Variants in XNDC1N observed in about 807,000 individuals in gnomAD.
XNDC1N encodes protein XNDC1N.
chr11:71,903,265 G>A, the XNDC1N span: 35 of 1,202,526 alleles, frequency 2.9e-5, no homozygotes, highest in Middle Eastern at 4.0e-4. Context: ...AACTGCAGCC[G>A]GTCGTCGCTG....
the XNDC1N span, among the ~76,000 whole-genome samples, chr11:71,881,803 T>C: frequency 2.0e-5 from 3 of 151,970 alleles, no homozygotes; most frequent in Non-Finnish European, 4.4e-5. Flanking sequence ...AAATAGCAAC[T>C]TCCAAAACTT....
At chr11:71,915,124 A>G in the XNDC1N span, among the ~76,000 whole-genome samples, 1 of 152,168 alleles carries the variant, frequency 6.6e-6, no homozygotes, top group Admixed American at 6.5e-5. Context: ...AGCTATCAAC[A>G]CTGAGGCAAG....
At chr11:71,918,543 A>G in the XNDC1N span, among the ~76,000 whole-genome samples, 1 of 152,084 alleles carries the variant, frequency 6.6e-6, no homozygotes, top group African/African-American at 2.4e-5. Flanking sequence ...TCGCCTCCCA[A>G]AGTGTTGGGA....
chr11:71,900,163 C>T, the XNDC1N span, among the ~76,000 whole-genome samples: 29 of 152,232 alleles, frequency 1.9e-4, no homozygotes, highest in Non-Finnish European at 1.3e-4. Flanking sequence ...TGCCCTCCTA[C>T]TACATTCGTT....
At chr11:71,917,482 C>A in the XNDC1N span, 1 of 671,880 alleles carries the variant, frequency 1.5e-6, no homozygotes, top group South Asian at 1.6e-5. Context: ...CCACCCTTTG[C>A]CCCCAACAGA....
the XNDC1N span, among the ~76,000 whole-genome samples, chr11:71,894,839 C>T: frequency 6.6e-6 from 1 of 152,210 alleles, no homozygotes; most frequent in Non-Finnish European, 1.5e-5. Context: ...TTTCACTATA[C>T]ATAATTTTGC....
At chr11:71,915,529 A>G in the XNDC1N span, among the ~76,000 whole-genome samples, 1 of 152,210 alleles carries the variant, frequency 6.6e-6, no homozygotes, top group African/African-American at 2.4e-5. Context: ...AAAAACCAAA[A>G]AATGTGTGTG....
the XNDC1N span, chr11:71,878,400 G>A: frequency 6.3e-7 from 1 of 1,599,838 alleles, no homozygotes; most frequent in Non-Finnish European, 8.5e-7. Context: ...GTACACAGAA[G>A]TCCTCTTCAT....
chr11:71,909,963 AAGACC>A, the XNDC1N span, among the ~76,000 whole-genome samples: 2 of 152,110 alleles, frequency 1.3e-5, no homozygotes, highest in Admixed American at 1.3e-4. Flanking sequence ...GCCAAGAGAG[AAGACC>A]AGCTCTGGCT....
At chr11:71,889,837 G>C in the XNDC1N span, among the ~76,000 whole-genome samples, 1 of 152,252 alleles carries the variant, frequency 6.6e-6, no homozygotes, top group East Asian at 1.9e-4. Context: ...AGTAGTTCTT[G>C]GGCATACCTA....
At chr11:71,871,353 C>G in the XNDC1N span, among the ~76,000 whole-genome samples, 4 of 152,102 alleles carry the variant, frequency 2.6e-5, no homozygotes, top group South Asian at 4.2e-4. Context: ...GAGAGTAGAA[C>G]AGTGGTTACC....
At chr11:71,927,235 G>A in the XNDC1N span, among the ~76,000 whole-genome samples, 14 of 151,886 alleles carry the variant, frequency 9.2e-5, 1 homozygote, top group Admixed American at 3.3e-4. Context: ...CGACAGAGCC[G>A]GACCCTGTAT....
the XNDC1N span, among the ~76,000 whole-genome samples, chr11:71,886,401 A>G: frequency 1.3e-5 from 2 of 152,114 alleles, no homozygotes; most frequent in Non-Finnish European, 2.9e-5. Context: ...GTATGGAAGG[A>G]CCCAGTTGCC....
At chr11:71,892,653 C>T in the XNDC1N span, among the ~76,000 whole-genome samples, 1 of 152,058 alleles carries the variant, frequency 6.6e-6, no homozygotes, top group Non-Finnish European at 1.5e-5. Flanking sequence ...TCCTGAGTAG[C>T]TAGGGTTACC....
the XNDC1N span, among the ~76,000 whole-genome samples, chr11:71,895,072 T>C: frequency 1.3e-5 from 2 of 151,944 alleles, no homozygotes; most frequent in South Asian, 2.1e-4. Context: ...TGGGTCTCAA[T>C]ACCTGAGATT....
At chr11:71,899,867 G>T in the XNDC1N span, among the ~76,000 whole-genome samples, 2 of 152,164 alleles carry the variant, frequency 1.3e-5, no homozygotes, top group East Asian at 1.9e-4. Flanking sequence ...AGAGAGGAAG[G>T]CCCCTGTCTC....
chr11:71,896,107 G>A, the XNDC1N span, among the ~76,000 whole-genome samples: 48 of 152,222 alleles, frequency 3.2e-4, no homozygotes, highest in East Asian at 8.5e-3. Flanking sequence ...ATGAAACCCC[G>A]TCTCCACGGT....
the XNDC1N span, among the ~76,000 whole-genome samples, chr11:71,924,254 C>T: frequency 1.9e-4 from 29 of 152,052 alleles, no homozygotes; most frequent in Non-Finnish European, 2.4e-4. Flanking sequence ...TGGCGTGTGC[C>T]TGTGGTCCTA....
the XNDC1N span, among the ~76,000 whole-genome samples, chr11:71,901,049 AGT>A: frequency 2.6e-5 from 4 of 152,110 alleles, no homozygotes; most frequent in African/African-American, 9.7e-5. Context: ...CAGCTAGACC[AGT>A]GGGTGCCACA....
Sources: allele counts gnomAD v4.1 joint callset (sites outside exome capture counted in the v4.1 genomes callset), GRCh38; gene constraint gnomAD v4.1.1; transcripts MANE v1.5; gene names NCBI Gene and HGNC (gene_info 2026-07-23, HGNC 2026-07-21).